ANO2: variants seen among roughly 807,000 people sequenced by gnomAD.
The protein encoded by ANO2 is anoctamin 2.
In ANO2, 101 loss-of-function variants were observed where a neutral mutation model predicts 124.2. The ratio of observed to expected loss-of-function variants is 0.81; its 90% CI spans 0.69 to 0.96. ANO2 has a LOEUF of 0.96. ANO2 is among the 40% of genes least tolerant of loss of function. ANO2 has a pLI of 0.00. For missense variants in ANO2, 1,293 were observed against 1,274.5 expected (o/e 1.01, Z -0.22); for synonymous variants, 486 against 482.5 (o/e 1.01, Z -0.09).
intron 10 of ANO2, among the ~76,000 whole-genome samples, chr12:5,771,506 G>T (rs561158796): frequency 7.2e-6 from 1 of 139,386 alleles, no homozygotes; most frequent in African/African-American, 2.7e-5. Context: ...TCGGCTGGGC[G>T]CCGTGGCTTA....
intron 14 of ANO2, among the ~76,000 whole-genome samples, chr12:5,683,973 C>T (rs1202256217): frequency 6.6e-6 from 1 of 152,184 alleles, no homozygotes; most frequent in Non-Finnish European, 1.5e-5. Flanking sequence ...TCCTGGGTAG[C>T]ACAGTGTCCC....
intron 3 of ANO2, among the ~76,000 whole-genome samples, chr12:5,871,118 C>T (rs897113261): frequency 1.3e-5 from 2 of 152,094 alleles, no homozygotes; most frequent in African/African-American, 2.4e-5. Context: ...GCCTGGATGC[C>T]GACTCACAGG....
intron 14 of ANO2, among the ~76,000 whole-genome samples, chr12:5,729,388 T>G (rs1048887523): frequency 6.6e-6 from 1 of 152,158 alleles, no homozygotes; most frequent in Non-Finnish European, 1.5e-5. Context: ...GACATGCAAA[T>G]GACCATTAAT....
In ANO2 at chr12:5,575,866, G is replaced by A. The variant is rs1214513847; in HGVS notation, c.2589C>T (p.Asn863=). The change falls in exon 23 of 25, where the codon AAC becomes AAT. Residue 863 remains asparagine, a synonymous_variant. Coordinates refer to ENST00000682330, the MANE Select transcript of ANO2 (RefSeq NM_001364791.2). Reference sequence around the variant, plus strand: ...ACTGAACCTCCTGGTCAAACTGTGAGTTTTCTGGCTGCGTCCCCTCCTTCA... The same window carrying A: ...ACTGAACCTCCTGGTCAAACTGTGAATTTTCTGGCTGCGTCCCCTCCTTCA... ...SQLKEGTQPE[N]SQFDQEVQFC... The A allele has an allele frequency of 1.2e-6, 2 of 1,613,966 alleles. No individual in the cohort carries two copies. Among genetic ancestry groups the A allele is most frequent in the Non-Finnish European group, 1.7e-6 (2 of 1,179,878 alleles).
At position 5,578,424 on chromosome 12, in the gene ANO2, A is replaced by G; in HGVS notation, c.2328T>C (p.Asp776=). 7 of 1,613,948 alleles carry G rather than the reference A, an allele frequency of 4.3e-6. No individual in the cohort carries two copies. The highest frequency in any genetic ancestry group is 5.1e-6 in the Non-Finnish European group (6 of 1,179,864). ...LLNNVIEVRL[D]AKKFVTELRR... Reference sequence around the variant, plus strand: ...TCAGCTCTGTAACAAACTTCTTTGCATCGAGCCGCACTTCAATGACGTTGT... The same window carrying G: ...TCAGCTCTGTAACAAACTTCTTTGCGTCGAGCCGCACTTCAATGACGTTGT... The change falls in exon 21 of 25, where the codon GAT becomes GAC. Residue 776 remains aspartate (D), a synonymous_variant. Coordinates refer to ENST00000682330, the MANE Select transcript of ANO2 (RefSeq NM_001364791.2).
At chr12:5,563,670 C>A in intron 24 of ANO2, 102 bp from the exon 25 acceptor site, 1 of 1,454,584 alleles carries the variant, frequency 6.9e-7, no homozygotes, top group East Asian at 2.3e-5. Flanking sequence ...GGCTTTGCAA[C>A]TTACCAGCCC....
chr12:5,579,395 GCA>G (rs1213770388), intron 20 of ANO2, among the ~76,000 whole-genome samples: 8 of 152,206 alleles, frequency 5.3e-5, no homozygotes, highest in South Asian at 2.1e-4. Context: ...GAGTCCCTCA[GCA>G]CAGTCTGGAA....
intron 4 of ANO2, among the ~76,000 whole-genome samples, chr12:5,837,695 T>C (rs1954373845): frequency 6.6e-6 from 1 of 151,800 alleles, no homozygotes; most frequent in South Asian, 2.1e-4. Context: ...CCAGAATCTC[T>C]GGGACGCATT....
intron 10 of ANO2, among the ~76,000 whole-genome samples, chr12:5,764,844 C>G (rs1852890290): frequency 6.6e-6 from 1 of 152,226 alleles, no homozygotes; most frequent in Admixed American, 6.5e-5. Flanking sequence ...CCCTTTGCCT[C>G]TTAGGCCTGT....
intron 1 of ANO2, among the ~76,000 whole-genome samples, chr12:5,930,640 T>C (rs554143169): frequency 6.6e-6 from 1 of 152,224 alleles, no homozygotes; most frequent in Non-Finnish European, 1.5e-5. Context: ...GGGCACTTCA[T>C]TTCAGTTAGA....
chr12:5,837,272 G>A (rs1438605049), intron 4 of ANO2, among the ~76,000 whole-genome samples: 3 of 136,516 alleles, frequency 2.2e-5, no homozygotes, highest in Non-Finnish European at 4.7e-5. Context: ...AGGAATGCCT[G>A]CATTTAGTTG....
At chr12:5,680,777 C>G (rs552942553) in intron 14 of ANO2, among the ~76,000 whole-genome samples, 2 of 152,270 alleles carry the variant, frequency 1.3e-5, no homozygotes, top group Admixed American at 1.3e-4. Flanking sequence ...ATGAAAGAAA[C>G]GATCCCAGGG....
At chr12:5,811,242 A>C (rs540876167) in intron 7 of ANO2, among the ~76,000 whole-genome samples, 1 of 152,318 alleles carries the variant, frequency 6.6e-6, no homozygotes, top group East Asian at 1.9e-4. Context: ...TTGTGCTTTC[A>C]TCCCTGCACT....
intron 14 of ANO2, among the ~76,000 whole-genome samples, chr12:5,707,721 A>G (rs1949665445): frequency 6.6e-6 from 1 of 152,170 alleles, no homozygotes; most frequent in Non-Finnish European, 1.5e-5. Flanking sequence ...AACATTTCCA[A>G]CATTTGAAGC....
intron 14 of ANO2, among the ~76,000 whole-genome samples, chr12:5,681,922 A>T (rs1948509429): frequency 6.6e-6 from 1 of 152,240 alleles, no homozygotes. Context: ...ATAAGAACAG[A>T]TTCTGCTGGA....
chr12:5,737,727 G>T (rs71459969), intron 13 of ANO2, among the ~76,000 whole-genome samples: 6,947 of 151,922 alleles, frequency 0.046, 238 homozygotes, highest in Non-Finnish European at 0.067. Context: ...TAAATCAAAT[G>T]GGACAAATAA....
At chr12:5,606,015 A>T (rs1944203133) in intron 19 of ANO2, among the ~76,000 whole-genome samples, 1 of 152,208 alleles carries the variant, frequency 6.6e-6, no homozygotes, top group Admixed American at 6.5e-5. Context: ...TTTATCTATT[A>T]TCATGGCATT....
At chr12:5,570,669 G>C (rs1006884950) in intron 23 of ANO2, among the ~76,000 whole-genome samples, 1 of 152,094 alleles carries the variant, frequency 6.6e-6, no homozygotes, top group African/African-American at 2.4e-5. Context: ...TGAAGTCAAC[G>C]ATCAGTAACA....
intron 1 of ANO2, among the ~76,000 whole-genome samples, chr12:5,931,000 C>T (rs1045421889): frequency 2.0e-5 from 3 of 152,166 alleles, no homozygotes; most frequent in Non-Finnish European, 4.4e-5. Context: ...TGCATCCTTG[C>T]CTTGTTCCCC....
Sources: allele counts gnomAD v4.1 joint callset (sites outside exome capture counted in the v4.1 genomes callset), GRCh38; gene constraint gnomAD v4.1.1; transcripts MANE v1.5; gene names NCBI Gene and HGNC (gene_info 2026-07-23, HGNC 2026-07-21).